Variants in PLEC observed in about 807,000 individuals in gnomAD.
PLEC encodes the protein hemidesmosomal protein 1.
PLEC carries 216 observed loss-of-function variants against 392.8 expected under a neutral mutation model. That is an observed-to-expected ratio of 0.55 (90% confidence interval 0.49 to 0.62). The LOEUF (loss-of-function observed/expected upper bound fraction) is 0.62. PLEC is among the 20% of genes least tolerant of loss of function. The probability of loss-of-function intolerance (pLI) is 0.00; values close to 1 mark genes in which losing one functional copy is unlikely to be tolerated. For synonymous variants in PLEC, 3,621 were observed against 2,980.6 expected (o/e 1.21, Z -7.00); for missense variants, 6,863 against 6,563.4 (o/e 1.05, Z -1.58).
At chr8:143,928,104 C>A (rs1025700727) in intron 25 of PLEC, 112 bp from the exon 26 acceptor site, 2 of 1,345,810 alleles carry the variant, frequency 1.5e-6, no homozygotes, top group Non-Finnish European at 2.0e-6. Context: ...CCAGACCCAA[C>A]CCTGGGGGTC....
upstream of PLEC, among the ~76,000 whole-genome samples, chr8:143,955,002 T>C (rs961457695): frequency 8.6e-5 from 13 of 152,008 alleles, no homozygotes; most frequent in Non-Finnish European, 1.5e-4. Flanking sequence ...CTCCCACGGG[T>C]ACGAGCTAAC....
Position 143,923,355 on chromosome 8 carries a change from G to A in PLEC, c.6574C>T (p.Arg2192Trp), listed in dbSNP as rs530046608. The A allele has an allele frequency of 3.9e-5, 62 of 1,610,070 alleles. No individual in the cohort carries two copies. The highest frequency in any genetic ancestry group is 1.2e-4 in the African/African-American group (9 of 74,964). Reference sequence around the variant, plus strand: ...TGGTCGGTCTCCTCCAGCTGCAGCCGCAGTGTTGTCAGCTCCTGCTCCACC... The same window carrying A: ...TGGTCGGTCTCCTCCAGCTGCAGCCACAGTGTTGTCAGCTCCTGCTCCACC... ...AQVEQELTTLRLQLEETDHQK... is the reference protein window; with the variant it reads ...AQVEQELTTLWLQLEETDHQK... Residue 2192 changes from arginine (R) to tryptophan (W), a missense_variant, in exon 31 of 32, where the codon CGG becomes TGG. Coordinates refer to ENST00000345136, the MANE Select transcript of PLEC (RefSeq NM_201384.3).
chr8:143,942,207 G>A (rs540640480), upstream of PLEC, among the ~76,000 whole-genome samples: 2 of 147,274 alleles, frequency 1.4e-5, no homozygotes, highest in East Asian at 4.4e-4. Flanking sequence ...ACAAACAAAT[G>A]GGGGTAGGGG....
intron 1 of PLEC, among the ~76,000 whole-genome samples, chr8:143,947,471 G>A (rs1831631353): frequency 6.6e-6 from 1 of 152,204 alleles, no homozygotes; most frequent in South Asian, 2.1e-4. Flanking sequence ...ATGTAAATTA[G>A]GGCTGGGCGG....
At chr8:143,933,708 C>T (rs1554719612) in intron 12 of PLEC, among the ~76,000 whole-genome samples, 1 of 152,214 alleles carries the variant, frequency 6.6e-6, no homozygotes, top group Non-Finnish European at 1.5e-5. Flanking sequence ...CCCAACCCCT[C>T]CCCTAACAGT....
chr8:143,932,417 T>C lies in PLEC; in HGVS notation c.1960A>G (p.Lys654Glu). The C allele has an allele frequency of 6.2e-7, 1 of 1,612,904 alleles. No individual in the cohort carries two copies. Among genetic ancestry groups the C allele is most frequent in the Non-Finnish European group, 8.5e-7 (1 of 1,179,958 alleles). Reference sequence around the variant, plus strand: ...CCGCTCACCGAGTAGCTCTCCTTCTTGGCGGTCATGTTGGTGTTGCGGTCG... The same window carrying C: ...CCGCTCACCGAGTAGCTCTCCTTCTCGGCGGTCATGTTGGTGTTGCGGTCG... ...WSDRNTNMTAKKESYSALMRE... is the reference protein window; with the variant it reads ...WSDRNTNMTAEKESYSALMRE... Residue 654 changes from lysine (K) to glutamate (E), a missense_variant, in exon 16 of 32, where the codon AAG becomes GAG. Lys to Glu is a moderately conservative substitution (Grantham distance 56, BLOSUM62 1). Coordinates refer to ENST00000345136, the MANE Select transcript of PLEC (RefSeq NM_201384.3).
intron 1 of PLEC, among the ~76,000 whole-genome samples, chr8:143,946,000 G>C (rs935756988): frequency 2.6e-5 from 4 of 152,266 alleles, no homozygotes; most frequent in African/African-American, 9.6e-5. Flanking sequence ...GGCCAGCAGT[G>C]GGCAGGGGCC....
chr8:143,932,730 G>C lies in PLEC; in HGVS notation c.1738-18C>G, dbSNP rs1242421234. 6.2e-7 allele frequency: 1 copy of C among 1,607,750 alleles called. No individual in the cohort carries two copies. The highest frequency in any genetic ancestry group is 8.5e-7 in the Non-Finnish European group (1 of 1,177,842). On this transcript the variant is annotated intron_variant, in intron 14 of 31. Coordinates refer to ENST00000345136, the MANE Select transcript of PLEC (RefSeq NM_201384.3). ...AGCTGGCCCTGCAACAGATGAGACG[G>C]TGAGGTCTGCAGTGGCTGGGCCCGG... is the stretch of plus-strand genomic sequence containing the variant.
upstream of PLEC, among the ~76,000 whole-genome samples, chr8:143,974,626 C>T (rs1301892415): frequency 6.6e-6 from 1 of 152,224 alleles, no homozygotes; most frequent in African/African-American, 2.4e-5. This position sits in a 1 kb window ranked among gnomAD's most constrained non-coding sequence, Gnocchi z 5.9. Flanking sequence ...GACTCTCAAG[C>T]CAAAGCCTAG....
chr8:143,923,996 T>TCCG lies in PLEC; in HGVS notation c.5930_5932dup (p.Ala1977dup). 6.3e-7 allele frequency: 1 copy of TCCG among 1,585,428 alleles called. No homozygotes were observed. Among genetic ancestry groups the TCCG allele is most frequent in the Middle Eastern group, 1.7e-4 (1 of 5,980 alleles). On this transcript the variant is annotated inframe_insertion, in exon 31 of 32. Transcript: ENST00000345136. Reference sequence around the variant, plus strand: ...AGCCTCACGGCGCCGCCGCTCCTCCTCCGCCGCCAGCTGCCGCTGCCTCGC... The same window carrying TCCG: ...AGCCTCACGGCGCCGCCGCTCCTCCTCCGCCGCCGCCAGCTGCCGCTGCCTCGC...
At chr8:143,929,369 G>A (rs1554710742) in intron 24 of PLEC, 45 bp downstream of exon 24, 1 of 1,569,452 alleles carries the variant, frequency 6.4e-7, no homozygotes, top group East Asian at 2.3e-5. Context: ...GTGGGAGGAG[G>A]GATGGGGAGA....
Position 143,924,621 on chromosome 8 carries a change from T to C in PLEC, c.5308A>G (p.Ser1770Gly). Residue 1770 changes from serine (S) to glycine (G), a missense_variant, in exon 31 of 32, where the codon AGC becomes GGC. By Grantham distance (56) the Ser-to-Gly change is moderately conservative. Coordinates refer to ENST00000345136, the MANE Select transcript of PLEC (RefSeq NM_201384.3). ...VRAEMEVLLA[S>G]KARAEEESRS... is the part of the protein sequence containing the mutation. ...GACTCCTCCTCAGCCCTCGCCTTGC[T>C]GGCCAGCAGCACCTCCATCTCGGCC... 2.6e-6 allele frequency: 4 copies of C among 1,540,304 alleles called. No individual in the cohort carries two copies. The highest frequency in any genetic ancestry group is 3.5e-6 in the Non-Finnish European group (4 of 1,149,420).
intron 1 of PLEC, chr8:143,945,196 C>T (rs782067293): frequency 4.1e-6 from 2 of 486,230 alleles, no homozygotes; most frequent in Non-Finnish European, 8.3e-6. Flanking sequence ...GGGACAGCCA[C>T]CCCAAAGTCA....
Position 143,922,005 on chromosome 8 carries a change from G to T in PLEC, c.7816C>A (p.Arg2606=). The change falls in exon 32 of 32, where the codon CGG becomes AGG. Residue 2606 remains arginine, a synonymous_variant. Transcript: ENST00000345136. ...EQLQLLEEQH[R]AALAHSEEVT... ...TCCTCTGAGTGCGCCAGCGCGGCCCGGTGCTGCTCCTCCAGGAGCTGCAGC... is the reference window on the plus strand; with the variant it reads ...TCCTCTGAGTGCGCCAGCGCGGCCCTGTGCTGCTCCTCCAGGAGCTGCAGC... 1.3e-6 allele frequency: 2 copies of T among 1,598,124 alleles called. No individual in the cohort carries two copies. Among genetic ancestry groups the T allele is most frequent in the South Asian group, 1.1e-5 (1 of 90,974 alleles).
At chr8:143,933,791 C>A (rs1554719706) in intron 12 of PLEC, among the ~76,000 whole-genome samples, 1 of 152,204 alleles carries the variant, frequency 6.6e-6, no homozygotes, top group Non-Finnish European at 1.5e-5. Context: ...GGCCAGAAAC[C>A]AACTCTGCCC....
Position 143,919,525 on chromosome 8 carries a change from G to A in PLEC, c.10296C>T (p.Ala3432=), listed in dbSNP as rs201848957. 228 of 1,611,622 alleles carry A rather than the reference G, an allele frequency of 1.4e-4. No homozygotes were observed. Among genetic ancestry groups the A allele is most frequent in the Non-Finnish European group, 1.8e-4 (216 of 1,179,628 alleles). The change falls in exon 32 of 32, where the codon GCC becomes GCT. Residue 3432 remains alanine, a synonymous_variant. Coordinates refer to ENST00000345136, the MANE Select transcript of PLEC (RefSeq NM_201384.3). ...LHEQLLSAEK[A]VTGYRDPYSG... ...AGTAGGGGTCTCTGTAGCCGGTGACGGCCTTCTCGGCAGACAGCAGCTGCT... is the reference window on the plus strand; with the variant it reads ...AGTAGGGGTCTCTGTAGCCGGTGACAGCCTTCTCGGCAGACAGCAGCTGCT...
Position 143,919,345 on chromosome 8 carries a change from G to C in PLEC, c.10476C>G (p.Gly3492=). ...RVPVDVAYQR[G]YFSEEMNRVL... Reference sequence around the variant, plus strand: ...CGCGGTTCATCTCCTCACTGAAGTAGCCGCGCTGGTAGGCCACGTCCACAG... The same window carrying C: ...CGCGGTTCATCTCCTCACTGAAGTACCCGCGCTGGTAGGCCACGTCCACAG... Residue 3492 remains glycine, a synonymous_variant, in exon 32 of 32, where the codon GGC becomes GGG. Transcript: ENST00000345136. 1 of 1,613,940 alleles carries C rather than the reference G, an allele frequency of 6.2e-7. No homozygotes were observed. The highest frequency in any genetic ancestry group is 8.5e-7 in the Non-Finnish European group (1 of 1,180,028).
rs139146495 is a variant in PLEC at position 143,929,487 on chromosome 8, G to C, written c.3008C>G (p.Thr1003Ser). Residue 1003 changes from threonine (T) to serine (S), a missense_variant, in exon 24 of 32, where the codon ACC becomes AGC. Physicochemically the swap from Thr to Ser is moderately conservative, Grantham distance 58 (BLOSUM62 1). Coordinates refer to ENST00000345136, the MANE Select transcript of PLEC (RefSeq NM_201384.3). Reference sequence around the variant, plus strand: ...CAGCGGCAGCCGCAGGCGGTGCACGGTGCGCGTCTCACAGGCCTCCAGCTG... The same window carrying C: ...CAGCGGCAGCCGCAGGCGGTGCACGCTGCGCGTCTCACAGGCCTCCAGCTG... ...RLQLEACETR[T>S]VHRLRLPLDK... The C allele has an allele frequency of 6.2e-7, 1 of 1,608,090 alleles. No homozygotes were observed. The highest frequency in any genetic ancestry group is 8.5e-7 in the Non-Finnish European group (1 of 1,178,416).
upstream of PLEC, chr8:143,942,601 G>A: frequency 7.0e-7 from 1 of 1,431,644 alleles, no homozygotes; most frequent in East Asian, 2.7e-5. Context: ...AGCCCACGCT[G>A]CGAGGCTGCC....
Sources: gnomAD v4.1 joint callset for allele counts (sites outside exome capture counted in the v4.1 genomes callset) on GRCh38, gnomAD v4.1.1 for gene constraint, Gnocchi (gnomAD v3.1) non-coding constraint, MANE v1.5 for transcripts, NCBI Gene and HGNC (gene_info 2026-07-23, HGNC 2026-07-21) for gene names.